The following KALRN variants were observed in gnomAD, a reference collection of about 807,000 sequenced individuals.
KALRN encodes the protein kalirin.
KALRN carries 70 observed loss-of-function variants against 353.7 expected under a neutral mutation model. The observed-to-expected ratio is 0.20, with a 90% CI of 0.16 to 0.24. KALRN has a LOEUF of 0.24. Ranked by LOEUF, KALRN falls within the 10% of genes least tolerant of loss-of-function variation. KALRN has a pLI of 1.00. For missense variants in KALRN, 2,791 were observed against 3,756.7 expected (o/e 0.74, Z 6.72); for synonymous variants, 1,391 against 1,434.8 (o/e 0.97, Z 0.69).
intron 16 of KALRN, 47 bp from the exon 17 acceptor site, chr3:124,434,260 C>T (rs763001859): frequency 2.4e-5 from 37 of 1,522,636 alleles, no homozygotes; most frequent in South Asian, 2.3e-4. Context: ...TCCCATACCA[C>T]GCCTGGGTTG....
intron 34 of KALRN, among the ~76,000 whole-genome samples, chr3:124,567,144 G>C (rs770311334): frequency 2.0e-5 from 3 of 152,178 alleles, no homozygotes; most frequent in Non-Finnish European, 4.4e-5. Flanking sequence ...AGAACAAATG[G>C]AATCAGAATC....
intron 1 of KALRN, among the ~76,000 whole-genome samples, chr3:124,138,136 C>T (rs1281818453): frequency 6.6e-6 from 1 of 152,168 alleles, no homozygotes; most frequent in Non-Finnish European, 1.5e-5. Context: ...ACAATTTGTG[C>T]CACTTCCACC....
At chr3:124,138,468 A>G (rs796544648) in intron 1 of KALRN, among the ~76,000 whole-genome samples, 2 of 152,166 alleles carry the variant, frequency 1.3e-5, no homozygotes, top group African/African-American at 4.8e-5. Flanking sequence ...ACAAATAGCA[A>G]TGCTTCACAC....
chr3:124,470,586 C>T (rs921262402), intron 25 of KALRN, among the ~76,000 whole-genome samples: 3 of 151,964 alleles, frequency 2.0e-5, no homozygotes, highest in Middle Eastern at 3.2e-3. Flanking sequence ...CCTATAGAGC[C>T]GATGTAGGAT....
chr3:124,051,474 G>A (rs1052146668), intron 1 of KALRN, among the ~76,000 whole-genome samples: 1 of 152,180 alleles, frequency 6.6e-6, no homozygotes, highest in Non-Finnish European at 1.5e-5. Context: ...TTTAACATCA[G>A]TCTGGGTTTT....
At chr3:124,605,331 G>A (rs535864771) in intron 34 of KALRN, among the ~76,000 whole-genome samples, 1 of 151,878 alleles carries the variant, frequency 6.6e-6, no homozygotes, top group Admixed American at 6.6e-5. Flanking sequence ...AGCACTTTGG[G>A]AGGCTAAGAG....
chr3:124,194,438 T>C (rs2075237809), intron 1 of KALRN, among the ~76,000 whole-genome samples: 1 of 151,864 alleles, frequency 6.6e-6, no homozygotes, highest in African/African-American at 2.4e-5. Flanking sequence ...GTTACGAGCC[T>C]CCCGAGGCTT....
intron 1 of KALRN, among the ~76,000 whole-genome samples, chr3:124,212,762 C>T (rs145424402): frequency 1.3e-5 from 2 of 152,182 alleles, no homozygotes; most frequent in East Asian, 1.9e-4. Context: ...TAATGCTGAA[C>T]CTTGCTAGCA....
At chr3:124,054,326 C>T (rs2041317783) in intron 1 of KALRN, among the ~76,000 whole-genome samples, 1 of 147,038 alleles carries the variant, frequency 6.8e-6, no homozygotes. Context: ...AGTTCAAGAC[C>T]AACATGGGCA....
chr3:124,429,298 C>T (rs540589368), intron 15 of KALRN, among the ~76,000 whole-genome samples: 2 of 152,280 alleles, frequency 1.3e-5, no homozygotes, highest in African/African-American at 4.8e-5. Flanking sequence ...AGGCATGAGT[C>T]ATTTTTTGCC....
chr3:124,310,614 C>T (rs1360721060), intron 6 of KALRN, among the ~76,000 whole-genome samples: 1 of 152,142 alleles, frequency 6.6e-6, no homozygotes, highest in Admixed American at 6.5e-5. Context: ...ACCCATGTGT[C>T]TGTGGTCAAC....
intron 25 of KALRN, among the ~76,000 whole-genome samples, chr3:124,468,216 T>C (rs2060532658): frequency 6.6e-6 from 1 of 152,198 alleles, no homozygotes; most frequent in South Asian, 2.1e-4. Context: ...AAGTTAAATT[T>C]TGAAAAACAC....
intron 39 of KALRN, among the ~76,000 whole-genome samples, chr3:124,656,339 G>C (rs765520217): frequency 6.6e-6 from 1 of 152,156 alleles, no homozygotes; most frequent in African/African-American, 2.4e-5. Flanking sequence ...GGCCGGGTGC[G>C]GTGGCTCATG....
chr3:124,149,907 T>C (rs1185221505), intron 1 of KALRN, among the ~76,000 whole-genome samples: 1 of 152,204 alleles, frequency 6.6e-6, no homozygotes, highest in Non-Finnish European at 1.5e-5. Context: ...GAAGTAGACT[T>C]GGTCTCTGTG....
chr3:124,684,365 G>A (rs1274887029), intron 51 of KALRN, among the ~76,000 whole-genome samples: 1 of 152,118 alleles, frequency 6.6e-6, no homozygotes, highest in South Asian at 2.1e-4. Flanking sequence ...TTGTGTATAA[G>A]TGTGTTATTC....
intron 1 of KALRN, among the ~76,000 whole-genome samples, chr3:124,034,278 G>T (rs1207693312): frequency 6.6e-6 from 1 of 152,196 alleles, no homozygotes; most frequent in Non-Finnish European, 1.5e-5. Context: ...GCACAGAGGG[G>T]CGGCGGGGAC....
intron 51 of KALRN, among the ~76,000 whole-genome samples, chr3:124,683,809 C>G (rs1243457880): frequency 6.6e-6 from 1 of 152,114 alleles, no homozygotes; most frequent in East Asian, 1.9e-4. Flanking sequence ...GGAGAGGGCT[C>G]TGAAAGATTA....
In KALRN at chr3:124,207,562, T is replaced by C. The variant is rs1237058885; in HGVS notation, c.74-20428T>C. Among the ~76,000 whole-genome samples, 3 of 152,140 alleles carry C rather than the reference T, an allele frequency of 2.0e-5. No individual in the cohort carries two copies. The East Asian group carries it at 5.8e-4, about 29-fold the overall frequency. ...TATCCAGGGTGACTTGGGAGCTAGA[T>C]GAGACAGATCTATATGTATGAGGCT... On this transcript the variant is annotated intron_variant, in intron 1 of 59. Transcript: ENST00000682506.
intron 6 of KALRN, among the ~76,000 whole-genome samples, chr3:124,311,339 TATA>T (rs2078251074): frequency 6.6e-6 from 1 of 151,792 alleles, no homozygotes; most frequent in Non-Finnish European, 1.5e-5. Flanking sequence ...GGGGCACGCC[TATA>T]GTCCCAGCTA....
Sources: allele counts gnomAD v4.1 joint callset (sites outside exome capture counted in the v4.1 genomes callset), GRCh38; gene constraint gnomAD v4.1.1; transcripts MANE v1.5; gene names NCBI Gene and HGNC (gene_info 2026-07-23, HGNC 2026-07-21).